The following CADPS variants were observed in gnomAD, a reference collection of about 807,000 sequenced individuals.
The protein encoded by CADPS is calcium-dependent secretion activator 1.
Under a neutral mutation model 167.3 loss-of-function variants are expected in CADPS, and 57 were observed. The ratio of observed to expected loss-of-function variants is 0.34; its 90% CI spans 0.28 to 0.42. CADPS has a LOEUF of 0.42. Among genes scored for constraint, CADPS ranks in the 20% least tolerant of loss-of-function variants. CADPS has a pLI of 1.00. For synonymous variants in CADPS, 676 were observed against 635.3 expected (o/e 1.06, Z -0.96); for missense variants, 1,414 against 1,738.1 (o/e 0.81, Z 3.32).
intron 28 of CADPS, among the ~76,000 whole-genome samples, chr3:62,429,377 G>T (rs1176549167): frequency 6.6e-6 from 1 of 152,076 alleles, no homozygotes; most frequent in Non-Finnish European, 1.5e-5. Flanking sequence ...ATCACATTTT[G>T]AATAAAAAGA....
intron 1 of CADPS, among the ~76,000 whole-genome samples, chr3:62,834,404 G>A (rs1387942722): frequency 6.6e-6 from 1 of 152,070 alleles, no homozygotes; most frequent in Non-Finnish European, 1.5e-5. Context: ...TAGACCCTTG[G>A]TCCTCTGAGT....
intron 27 of CADPS, chr3:62,441,252 GAC>G (rs2056263516): frequency 6.6e-6 from 1 of 152,164 alleles, no homozygotes; most frequent in Non-Finnish European, 1.5e-5. Flanking sequence ...GATTGAATAT[GAC>G]ACAGATTTTA....
chr3:62,626,455 G>A (rs1389758722), intron 6 of CADPS: 2 of 700,110 alleles, frequency 2.9e-6, no homozygotes, highest in Non-Finnish European at 5.2e-6. Flanking sequence ...ACAGAGATTG[G>A]GTACTGTGAC....
In CADPS at chr3:62,814,961, G is replaced by A. The variant is rs116637759; in HGVS notation, c.442-48977C>T. Reference sequence around the variant, plus strand: ...ACAAACTTCACAGGACAGGTTTTGCGGGACTTCCGTCTTCTTTTTGGTCCC... The same window carrying A: ...ACAAACTTCACAGGACAGGTTTTGCAGGACTTCCGTCTTCTTTTTGGTCCC... On this transcript the variant is annotated intron_variant, in intron 1 of 29. Coordinates refer to ENST00000383710, the MANE Select transcript of CADPS (RefSeq NM_003716.4). 3.2e-3 allele frequency among the ~76,000 whole-genome samples: 491 copies of A among 152,208 alleles called. 5 individuals carry two copies. The highest frequency in any genetic ancestry group is 0.011 in the African/African-American group (470 of 41,540).
intron 1 of CADPS, among the ~76,000 whole-genome samples, chr3:62,815,306 T>C (rs2094562986): frequency 6.7e-6 from 1 of 150,004 alleles, no homozygotes; most frequent in East Asian, 2.0e-4. Context: ...AAAAAAAAAC[T>C]CACAAATTAG....
chr3:62,584,617 T>C (rs551163855), intron 8 of CADPS, among the ~76,000 whole-genome samples: 2 of 152,254 alleles, frequency 1.3e-5, no homozygotes, highest in Non-Finnish European at 2.9e-5. Context: ...TGGTCTTATT[T>C]GGCATCTTAC....
chr3:62,746,802 T>C (rs954551407), intron 3 of CADPS, among the ~76,000 whole-genome samples: 3 of 152,200 alleles, frequency 2.0e-5, no homozygotes, highest in Non-Finnish European at 4.4e-5. Flanking sequence ...AGCCTCCAGA[T>C]GTGAGCACAG....
chr3:62,472,880 G>A (rs2060790572), intron 24 of CADPS, among the ~76,000 whole-genome samples: 1 of 152,162 alleles, frequency 6.6e-6, no homozygotes. Flanking sequence ...CTGAAGTCAG[G>A]TTTACATACT....
chr3:62,767,300 T>C (rs1383564616), intron 1 of CADPS, among the ~76,000 whole-genome samples: 1 of 152,130 alleles, frequency 6.6e-6, no homozygotes, highest in Admixed American at 6.5e-5. Flanking sequence ...GCGACTTATA[T>C]TCTGCATTGA....
In CADPS at chr3:62,686,873, T is replaced by C. The variant is rs565080725; in HGVS notation, c.889-24479A>G. On this transcript the variant is annotated intron_variant, in intron 3 of 29. Transcript: ENST00000383710. ...CATTGGGTAGTTAGGCAGAAATGTA[T>C]TTTAAGCCATCAGGGACTAGAGAAT... 6.9e-4 allele frequency among the ~76,000 whole-genome samples: 105 copies of C among 152,228 alleles called. 1 individual carries two copies. The highest frequency in any genetic ancestry group is 2.3e-3 in the African/African-American group (96 of 41,528).
chr3:62,430,520 G>A (rs759358365), intron 28 of CADPS, among the ~76,000 whole-genome samples: 2 of 152,042 alleles, frequency 1.3e-5, no homozygotes, highest in African/African-American at 2.4e-5. Context: ...TCATGAAAAC[G>A]AACTTGGATT....
At chr3:62,797,030 C>T (rs2093459368) in intron 1 of CADPS, among the ~76,000 whole-genome samples, 1 of 152,086 alleles carries the variant, frequency 6.6e-6, no homozygotes, top group Admixed American at 6.6e-5. Context: ...ATATTTTTTC[C>T]TTTATTCTAA....
intron 3 of CADPS, among the ~76,000 whole-genome samples, chr3:62,726,109 CA>C (rs1554119089): frequency 6.6e-6 from 1 of 151,728 alleles, no homozygotes; most frequent in Non-Finnish European, 1.5e-5. Context: ...AGGGGATCAA[CA>C]GGGTGAAGGA....
At chr3:62,472,642 T>G (rs997186727) in intron 24 of CADPS, among the ~76,000 whole-genome samples, 1 of 152,230 alleles carries the variant, frequency 6.6e-6, no homozygotes, top group Non-Finnish European at 1.5e-5. Flanking sequence ...TTGTGTCACA[T>G]GCTGGCCTTC....
At chr3:62,469,431 T>C (rs542788781) in intron 24 of CADPS, among the ~76,000 whole-genome samples, 2 of 152,198 alleles carry the variant, frequency 1.3e-5, no homozygotes, top group African/African-American at 4.8e-5. Flanking sequence ...AATTTTGTTA[T>C]AAAATGCCTT....
In CADPS at chr3:62,875,200, G is replaced by A. The variant is rs1577777429; in HGVS notation, c.-171C>T. On this transcript the variant is annotated 5_prime_UTR_variant, in exon 1 of 30. Transcript: ENST00000383710. Reference sequence around the variant, plus strand: ...CGCCGCGACTGATCCTCTGCCCGGCGGTCGCGAGCTGGGCTCAGACCCAGA... The same window carrying A: ...CGCCGCGACTGATCCTCTGCCCGGCAGTCGCGAGCTGGGCTCAGACCCAGA... 5.5e-6 allele frequency: 5 copies of A among 901,698 alleles called. No individual in the cohort carries two copies. In the South Asian group the frequency reaches 1.2e-4, roughly 22 times the overall value. The allele number at this position is 901,698 out of a possible 1,614,324, so 55.9% of individuals were successfully genotyped here.
intron 3 of CADPS, among the ~76,000 whole-genome samples, chr3:62,741,685 C>G (rs1480150806): frequency 6.6e-6 from 1 of 152,154 alleles, no homozygotes; most frequent in African/African-American, 2.4e-5. Flanking sequence ...CAGGCAAAAG[C>G]TGGAGGCATT....
At position 62,601,540 on chromosome 3, in the gene CADPS, C is replaced by T. The variant is rs1002809270; in HGVS notation, c.1326-8792G>A. On this transcript the variant is annotated intron_variant, in intron 6 of 29. Transcript: ENST00000383710. The surrounding 1 kb of genome is among the most constrained non-coding windows in gnomAD (Gnocchi z 4.3). The stretch of plus-strand genomic sequence containing the variant: ...TATAAACATGCACTCACAAAGACAG[C>T]TGACCCCATGGGGATCCAATTTGCT... 6.6e-6 allele frequency among the ~76,000 whole-genome samples: 1 copy of T among 152,218 alleles called. No homozygotes were observed. Among genetic ancestry groups the T allele is most frequent in the African/African-American group, 2.4e-5 (1 of 41,458 alleles).
At chr3:62,686,161 G>T (rs1440590679) in intron 3 of CADPS, among the ~76,000 whole-genome samples, 1 of 151,960 alleles carries the variant, frequency 6.6e-6, no homozygotes, top group Non-Finnish European at 1.5e-5. Flanking sequence ...GAAGAATGAG[G>T]CTAAGAAAAT....
Sources: allele counts gnomAD v4.1 joint callset (sites outside exome capture counted in the v4.1 genomes callset), GRCh38; gene constraint gnomAD v4.1.1; non-coding constraint Gnocchi (gnomAD v3.1); transcripts MANE v1.5; gene names NCBI Gene and HGNC (gene_info 2026-07-23, HGNC 2026-07-21).